The following PDIA3 variants were observed in gnomAD, a reference collection of about 807,000 sequenced individuals.
PDIA3 encodes protein disulfide-isomerase A3.
PDIA3 carries 16 observed loss-of-function variants against 56.9 expected under a neutral mutation model. The ratio of observed to expected loss-of-function variants is 0.28; its 90% confidence interval spans 0.19 to 0.43. The LOEUF (loss-of-function observed/expected upper bound fraction) is 0.43. Among genes scored for constraint, PDIA3 ranks in the 20% least tolerant of loss-of-function variants. PDIA3 has a pLI of 1.00. For missense variants in PDIA3, 485 were observed against 621.3 expected, an observed-to-expected ratio of 0.78 and a Z score of 2.33; for synonymous variants, 192 against 216.5, an observed-to-expected ratio of 0.89 and a Z score of 0.99.
chr15:43,769,189 T>A (rs2141657604), intron 9 of PDIA3, among the ~76,000 whole-genome samples: 1 of 152,318 alleles, frequency 6.6e-6, no homozygotes, highest in East Asian at 1.9e-4. Flanking sequence ...AGGGATGTGG[T>A]CTTACTCTGT....
intron 1 of PDIA3, chr15:43,747,115 C>G (rs1474286549): frequency 1.7e-5 from 3 of 176,848 alleles, no homozygotes; most frequent in Non-Finnish European, 1.2e-5. Flanking sequence ...TGCAGAAGTC[C>G]TGGATCCCTA....
At chr15:43,761,679 A>G (rs930049023) in intron 4 of PDIA3, 148 bp downstream of exon 4, 1 of 573,384 alleles carries the variant, frequency 1.7e-6, no homozygotes, top group South Asian at 2.4e-5. Context: ...AGCAATTACT[A>G]TAATGTACTA....
intron 3 of PDIA3, among the ~76,000 whole-genome samples, chr15:43,758,951 T>G (rs1187233363): frequency 2.0e-5 from 1 of 49,144 alleles, no homozygotes; most frequent in Non-Finnish European, 4.6e-5. Flanking sequence ...CACTCCAGCC[T>G]GGGTGACAGT....
intron 8 of PDIA3, among the ~76,000 whole-genome samples, 198 bp downstream of exon 8, chr15:43,767,108 G>C (rs2086852116): frequency 6.6e-6 from 1 of 152,172 alleles, no homozygotes; most frequent in Non-Finnish European, 1.5e-5. Flanking sequence ...CCAGCACTTT[G>C]GGAGGCCAAG....
chr15:43,755,169 A>G (rs2086770581), intron 2 of PDIA3, among the ~76,000 whole-genome samples: 1 of 151,900 alleles, frequency 6.6e-6, no homozygotes, highest in African/African-American at 2.4e-5. Flanking sequence ...CTACTAAAAA[A>G]TATAAAAATT....
At chr15:43,759,875 G>A (rs1015415148) in intron 3 of PDIA3, among the ~76,000 whole-genome samples, 8 of 151,912 alleles carry the variant, frequency 5.3e-5, no homozygotes, top group African/African-American at 1.9e-4. Context: ...CACGAGGTCA[G>A]GAGTTCAAGA....
rs1459380328 is a variant in PDIA3 at position 43,766,816 on chromosome 15, T to C, written c.934T>C (p.Ser312Pro). The C allele has an allele frequency of 5.6e-6, 9 of 1,613,370 alleles. No individual in the cohort carries two copies. Among genetic ancestry groups the C allele is most frequent in the Non-Finnish European group, 7.6e-6 (9 of 1,179,368 alleles). ...ASRKTFSHEL[S>P]DFGLESTAGE... ...CCGCAAAACCTTTAGCCATGAACTT[T>C]CTGATTTTGGCTTGGAGAGCACTGC... is the stretch of plus-strand genomic sequence containing the variant. The change falls in exon 8 of 13, where the codon TCT (serine) becomes CCT (proline). Residue 312 changes from serine to proline, a missense_variant. By Grantham distance (74) the Ser-to-Pro change is moderately conservative. Transcript: ENST00000300289.
intron 2 of PDIA3, among the ~76,000 whole-genome samples, chr15:43,756,111 T>A (rs1211495695): frequency 6.6e-6 from 1 of 152,208 alleles, no homozygotes; most frequent in Non-Finnish European, 1.5e-5. Context: ...GAAATTATTT[T>A]CCTTCTTCCT....
rs1168709157 is a variant in PDIA3 at position 43,755,307 on chromosome 15, G to GA, written c.247-1341dup. ...CATGGCACTGTACTCCAGCCTGGGCGACAGAGCAAGACTCCATCTCAAAAA... is the reference window on the plus strand; with the variant it reads ...CATGGCACTGTACTCCAGCCTGGGCGAACAGAGCAAGACTCCATCTCAAAAA... On this transcript the variant is annotated intron_variant, in intron 2 of 12. Transcript: ENST00000300289. Among the ~76,000 whole-genome samples, 3 of 151,886 alleles carry GA rather than the reference G, an allele frequency of 2.0e-5. No homozygotes were observed. In the East Asian group the frequency reaches 5.8e-4, roughly 30 times the overall value.
In PDIA3 at chr15:43,769,640, C is replaced by G; in HGVS notation, c.1260C>G (p.Gly420=). 1 of 1,613,774 alleles carries G rather than the reference C, an allele frequency of 6.2e-7. No individual in the cohort carries two copies. ...TGGAGCCCAAGTATAAAGAACTTGG[C>G]GAGAAGGTAAGTGTGAACCCTATTC... ...KNLEPKYKEL[G]EKLSKDPNIV... Residue 420 remains glycine, a synonymous_variant, in exon 10 of 13, where the codon GGC becomes GGG. Transcript: ENST00000300289.
intron 2 of PDIA3, among the ~76,000 whole-genome samples, chr15:43,756,284 G>A (rs1199450142): frequency 6.6e-6 from 1 of 152,152 alleles, no homozygotes; most frequent in African/African-American, 2.4e-5. Context: ...ATATCCCCTT[G>A]GTGATAGTCG....
intron 3 of PDIA3, among the ~76,000 whole-genome samples, chr15:43,760,243 T>G (rs1386678708): frequency 6.6e-6 from 1 of 151,710 alleles, no homozygotes; most frequent in African/African-American, 2.4e-5. Flanking sequence ...TACAAAAAAC[T>G]AGCCAGGTGG....
In PDIA3 at chr15:43,771,740, C is replaced by A. The variant is rs1596026766; in HGVS notation, c.*522C>A. 2.5e-6 allele frequency: 1 copy of A among 397,916 alleles called. No individual in the cohort carries two copies. The highest frequency in any genetic ancestry group is 1.4e-4 in the South Asian group (1 of 7,088). 24.6% of individuals were successfully genotyped at this position (397,916 alleles called of 1,614,324 possible). A position where few individuals can be genotyped will look rare whatever the true frequency, so the allele number is the denominator to read the frequency against. ...GCCATACAGTTGCTACCATACTGGTCACGGCAGCTGTAGACTGACTGGGTC... is the reference window on the plus strand; with the variant it reads ...GCCATACAGTTGCTACCATACTGGTAACGGCAGCTGTAGACTGACTGGGTC... On this transcript the variant is annotated 3_prime_UTR_variant, in exon 13 of 13. Coordinates refer to ENST00000300289, the MANE Select transcript of PDIA3 (RefSeq NM_005313.5).
In PDIA3 at chr15:43,753,795, A is replaced by G. The variant is rs368927429; in HGVS notation, c.168-29A>G. ...TTAACAAATTCATAGGACTAAACTG[A>G]GAATTTGGCTTTTTTAATACGTATA... On this transcript the variant is annotated intron_variant, in intron 1 of 12. Transcript: ENST00000300289. 5.2e-4 allele frequency: 761 copies of G among 1,472,638 alleles called. 1 individual carries two copies. Among genetic ancestry groups the G allele is most frequent in the Non-Finnish European group, 6.5e-4 (680 of 1,052,240 alleles). The allele number at this position is 1,472,638 out of a possible 1,614,324, so 91.2% of individuals were successfully genotyped here.
At chr15:43,766,132 G>T in intron 7 of PDIA3, 120 bp downstream of exon 7, 14 of 485,282 alleles carry the variant, frequency 2.9e-5, no homozygotes, top group African/African-American at 5.1e-5. Context: ...CTTAAGAAGA[G>T]GTAAAAAAAA....
intron 3 of PDIA3, 25 bp downstream of exon 3, chr15:43,756,791 G>A: frequency 8.2e-7 from 1 of 1,216,208 alleles, no homozygotes; most frequent in South Asian, 1.2e-5. Context: ...TTACATTCTG[G>A]AAACTGATGT....
At chr15:43,766,938 C>T in intron 8 of PDIA3, 28 bp downstream of exon 8, 2 of 1,601,524 alleles carry the variant, frequency 1.2e-6, no homozygotes, top group Non-Finnish European at 8.6e-7. Flanking sequence ...CTTTGATTCT[C>T]CAAGGCAATT....
intron 3 of PDIA3, among the ~76,000 whole-genome samples, chr15:43,758,716 C>G (rs946395388): frequency 1.3e-5 from 2 of 151,378 alleles, no homozygotes; most frequent in African/African-American, 4.9e-5. Flanking sequence ...TAGCTCATGA[C>G]TGTAATCCCA....
chr15:43,763,626 A>G (rs1335875226), intron 5 of PDIA3, among the ~76,000 whole-genome samples: 1 of 152,180 alleles, frequency 6.6e-6, no homozygotes, highest in African/African-American at 2.4e-5. Context: ...CTACATGCCC[A>G]GAAACTATTG....
Sources: gnomAD v4.1 joint callset for allele counts (sites outside exome capture counted in the v4.1 genomes callset) on GRCh38, gnomAD v4.1.1 for gene constraint, MANE v1.5 for transcripts, NCBI Gene and HGNC (gene_info 2026-07-23, HGNC 2026-07-21) for gene names.